The following ATP6V0D2 variants were observed in gnomAD, a reference collection of about 807,000 sequenced individuals.
ATP6V0D2 encodes the protein V-type proton ATPase subunit d 2.
In ATP6V0D2, 40 loss-of-function variants were observed where a neutral mutation model predicts 40.0. The observed-to-expected ratio is 1.00, with a 90% CI of 0.78 to 1.30. The LOEUF is 1.30. ATP6V0D2 is among the 50% of genes most tolerant of loss of function. ATP6V0D2 has a pLI of 0.00. For missense variants in ATP6V0D2, 470 were observed against 423.1 expected (o/e 1.11, Z -0.97); for synonymous variants, 179 against 156.3 (o/e 1.15, Z -1.08).
intron 2 of ATP6V0D2, among the ~76,000 whole-genome samples, chr8:86,130,815 A>G (rs994151014): frequency 6.6e-6 from 1 of 152,046 alleles, no homozygotes; most frequent in African/African-American, 2.4e-5. Context: ...CATGTGCCCT[A>G]TGGGGAAGCC....
chr8:86,106,027 A>T (rs187976391), intron 1 of ATP6V0D2, among the ~76,000 whole-genome samples: 4 of 152,278 alleles, frequency 2.6e-5, no homozygotes, highest in Admixed American at 1.3e-4. Flanking sequence ...CACACTGGAA[A>T]TATCTACATA....
chr8:86,150,276 G>A lies in ATP6V0D2; in HGVS notation c.804G>A (p.Ala268=), dbSNP rs749834977. The A allele has an allele frequency of 2.4e-5, 38 of 1,612,982 alleles. No homozygotes were observed. The highest frequency in any genetic ancestry group is 3.3e-5 in the South Asian group (3 of 90,986). The change falls in exon 6 of 8, where the codon GCG becomes GCA. Residue 268 remains alanine, a synonymous_variant. Transcript: ENST00000285393. The part of the protein sequence containing the change: ...AEDFDQMKNV[A]DHYGVYKPLF... ...ACTTTGACCAGATGAAGAACGTAGCGGATCATTACGGAGTATGTGATGACA... is the reference window on the plus strand; with the variant it reads ...ACTTTGACCAGATGAAGAACGTAGCAGATCATTACGGAGTATGTGATGACA...
intron 2 of ATP6V0D2, among the ~76,000 whole-genome samples, chr8:86,120,418 C>T (rs1818653879): frequency 6.6e-6 from 1 of 151,906 alleles, no homozygotes; most frequent in African/African-American, 2.4e-5. Context: ...CAAAAACAAA[C>T]ATACAAAAAA....
intron 5 of ATP6V0D2, among the ~76,000 whole-genome samples, chr8:86,144,097 C>T (rs1281728111): frequency 6.6e-6 from 1 of 152,164 alleles, no homozygotes; most frequent in African/African-American, 2.4e-5. Flanking sequence ...TGGTATCTAC[C>T]TCTCTAGCTG....
chr8:86,105,626 T>TTC (rs1212371234), intron 1 of ATP6V0D2, among the ~76,000 whole-genome samples: 1 of 145,748 alleles, frequency 6.9e-6, no homozygotes, highest in Non-Finnish European at 1.5e-5. Context: ...CTTTTCTTTT[T>TTC]TTTTTTTTTT....
intron 2 of ATP6V0D2, among the ~76,000 whole-genome samples, chr8:86,115,099 T>C (rs1232787809): frequency 1.3e-5 from 2 of 152,166 alleles, no homozygotes; most frequent in Non-Finnish European, 2.9e-5. Context: ...GGGCGTTGGC[T>C]GTATGAAAGC....
chr8:86,125,413 C>T (rs1262461581), intron 2 of ATP6V0D2, among the ~76,000 whole-genome samples: 1 of 151,948 alleles, frequency 6.6e-6, no homozygotes, highest in African/African-American at 2.4e-5. Flanking sequence ...TATCCATTGT[C>T]CTAGTTTTAT....
chr8:86,126,236 C>CTATATATATATATCTATATATATATATA (rs1818740722), intron 2 of ATP6V0D2, among the ~76,000 whole-genome samples: 1 of 77,120 alleles, frequency 1.3e-5, no homozygotes, highest in Non-Finnish European at 2.9e-5. Flanking sequence ...CGTGCTCAGC[C>CTATATATATATATCTATATATATATATA]TATATATATA....
chr8:86,108,614 T>G (rs959978669), intron 1 of ATP6V0D2, among the ~76,000 whole-genome samples: 5 of 152,160 alleles, frequency 3.3e-5, no homozygotes, highest in Non-Finnish European at 7.3e-5. Context: ...TCTTTATTTT[T>G]AGTAGAGACG....
chr8:86,120,718 T>G (rs554360878), intron 2 of ATP6V0D2, among the ~76,000 whole-genome samples: 4 of 152,234 alleles, frequency 2.6e-5, no homozygotes, highest in African/African-American at 9.6e-5. Flanking sequence ...GCAAAACAGG[T>G]GTTTATATCT....
chr8:86,134,866 T>C (rs529926808), intron 2 of ATP6V0D2, among the ~76,000 whole-genome samples: 1 of 152,220 alleles, frequency 6.6e-6, no homozygotes, highest in Admixed American at 6.5e-5. Flanking sequence ...ACTGTTTACA[T>C]GCAACAGCTT....
chr8:86,128,664 T>G (rs1586095034), intron 2 of ATP6V0D2, among the ~76,000 whole-genome samples: 2 of 152,180 alleles, frequency 1.3e-5, no homozygotes, highest in African/African-American at 4.8e-5. Context: ...AAAGGAAACA[T>G]CATATAAAAT....
intron 1 of ATP6V0D2, among the ~76,000 whole-genome samples, chr8:86,105,865 C>T (rs1260862255): frequency 1.3e-5 from 2 of 151,988 alleles, no homozygotes; most frequent in Non-Finnish European, 2.9e-5. Context: ...CTGCCCATCT[C>T]GGCCTCCCAA....
chr8:86,131,328 T>C (rs1401911564), intron 2 of ATP6V0D2, among the ~76,000 whole-genome samples: 4 of 151,950 alleles, frequency 2.6e-5, no homozygotes, highest in Non-Finnish European at 5.9e-5. Context: ...GCCTCCCCAG[T>C]AGCTGGGCCT....
At chr8:86,125,935 C>T (rs1201894414) in intron 2 of ATP6V0D2, among the ~76,000 whole-genome samples, 7 of 148,274 alleles carry the variant, frequency 4.7e-5, no homozygotes, top group Admixed American at 4.0e-4. Context: ...TAATTTAATT[C>T]ATTAACTTAT....
At chr8:86,151,677 G>A (rs1237883996) in intron 7 of ATP6V0D2, 137 bp downstream of exon 7, 3 of 599,038 alleles carry the variant, frequency 5.0e-6, no homozygotes, top group Admixed American at 7.2e-5. Flanking sequence ...AGTCAGTGAT[G>A]TATTATTGCT....
At chr8:86,126,326 G>C (rs1388172784) in intron 2 of ATP6V0D2, among the ~76,000 whole-genome samples, 1 of 146,916 alleles carries the variant, frequency 6.8e-6, no homozygotes, top group Non-Finnish European at 1.5e-5. Flanking sequence ...TGTTACTTAA[G>C]TAAACGTGTG....
intron 1 of ATP6V0D2, among the ~76,000 whole-genome samples, chr8:86,103,761 A>G (rs1438653115): frequency 6.6e-6 from 1 of 152,180 alleles, no homozygotes; most frequent in Non-Finnish European, 1.5e-5. Context: ...AGGAATTCCA[A>G]GTCTCATAGA....
At chr8:86,121,610 G>T (rs867233228) in intron 2 of ATP6V0D2, among the ~76,000 whole-genome samples, 14 of 134,520 alleles carry the variant, frequency 1.0e-4, no homozygotes, top group South Asian at 2.2e-4. Context: ...AGGAGGAGGA[G>T]GAGGAGGAGA....
Sources: allele counts gnomAD v4.1 joint callset (sites outside exome capture counted in the v4.1 genomes callset), GRCh38; gene constraint gnomAD v4.1.1; transcripts MANE v1.5; gene names NCBI Gene and HGNC (gene_info 2026-07-23, HGNC 2026-07-21).